Variants in CUX1 observed in about 807,000 individuals in gnomAD.
CUX1 encodes the protein cut like homeobox 1.
Under a neutral mutation model 158.8 loss-of-function variants are expected in CUX1, and 31 were observed. The ratio of observed to expected loss-of-function variants is 0.20; its 90% CI spans 0.15 to 0.26. The LOEUF (loss-of-function observed/expected upper bound fraction) is 0.26, where lower values mean the gene tolerates loss of function less well. Among genes scored for constraint, CUX1 ranks in the 10% least tolerant of loss-of-function variants. The pLI is 1.00. For missense variants in CUX1, 1,589 were observed against 2,014.6 expected (o/e 0.79, Z 4.04); for synonymous variants, 879 against 862.1 (o/e 1.02, Z -0.34).
rs531601808 is a variant in CUX1 at position 102,150,238 on chromosome 7, C to G, written c.675-8322C>G. On this transcript the variant is annotated intron_variant, in intron 8 of 23. Coordinates refer to ENST00000292535, the MANE Select transcript of CUX1 (RefSeq NM_181552.4). ...TGGCACGATCTCAGCTCACTTCAAC[C>G]TCTGTGACCGGGGTTCAAGCGATTC... Among the ~76,000 whole-genome samples the G allele has an allele frequency of 9.2e-5, 14 of 152,302 alleles. No homozygotes were observed. In the East Asian group the frequency reaches 2.7e-3, roughly 29 times the overall value.
chr7:102,236,703 C>G (rs1267949374), intron 22 of CUX1, among the ~76,000 whole-genome samples: 1 of 152,206 alleles, frequency 6.6e-6, no homozygotes, highest in Admixed American at 6.5e-5. Flanking sequence ...GCTTCCTGCA[C>G]TAGCCAGGAG....
intron 11 of CUX1, among the ~76,000 whole-genome samples, chr7:102,179,283 G>C (rs1290752027): frequency 2.0e-5 from 3 of 152,302 alleles, no homozygotes; most frequent in East Asian, 3.9e-4. Context: ...CCTGACCTCA[G>C]GTGATCTGTC....
Position 102,252,921 on chromosome 7 carries a change from A to G in CUX1, c.*3879A>G. On this transcript the variant is annotated 3_prime_UTR_variant, in exon 24 of 24. Coordinates refer to ENST00000292535, the MANE Select transcript of CUX1 (RefSeq NM_181552.4). Reference sequence around the variant, plus strand: ...GCAGCTTCTAAGCGTCTCCTGGGACAGGATTGGGGTGACAGCCCAGGGATG... The same window carrying G: ...GCAGCTTCTAAGCGTCTCCTGGGACGGGATTGGGGTGACAGCCCAGGGATG... 1 of 985,484 alleles carries G rather than the reference A, an allele frequency of 1.0e-6. No individual in the cohort carries two copies. The highest frequency in any genetic ancestry group is 4.7e-5 in the South Asian group (1 of 21,294). The allele number at this position is 985,484 out of a possible 1,614,324, so 61.0% of individuals were successfully genotyped here.
chr7:101,839,248 A>T (rs1464678892), intron 1 of CUX1, among the ~76,000 whole-genome samples: 3 of 152,050 alleles, frequency 2.0e-5, no homozygotes, highest in Admixed American at 6.6e-5. Flanking sequence ...ACCCTAGCTC[A>T]CACGTCCATT....
chr7:102,154,290 CA>C (rs1253344292), intron 8 of CUX1: 1 of 152,014 alleles, frequency 6.6e-6, no homozygotes, highest in Non-Finnish European at 1.5e-5. Flanking sequence ...CTCCAACATC[CA>C]CCTAATAGGA....
intron 3 of CUX1, among the ~76,000 whole-genome samples, chr7:102,060,291 G>A (rs1297456321): frequency 1.3e-5 from 2 of 151,118 alleles, no homozygotes; most frequent in Non-Finnish European, 3.0e-5. Flanking sequence ...AAAAAAAAAT[G>A]TTGCTTAGGG....
At chr7:102,130,535 G>T (rs553054680) in intron 8 of CUX1, among the ~76,000 whole-genome samples, 2 of 152,136 alleles carry the variant, frequency 1.3e-5, no homozygotes, top group South Asian at 4.2e-4. Flanking sequence ...ACAAAAATTA[G>T]CTGGGCGTGG....
chr7:102,256,085 C>T lies in CUX1; in HGVS notation c.*7043C>T. ...GACTCCCTCCAGTCTCCCAGCCTGCCTCTTGGTGACCACTGTGCTGGGCGT... is the reference window on the plus strand; with the variant it reads ...GACTCCCTCCAGTCTCCCAGCCTGCTTCTTGGTGACCACTGTGCTGGGCGT... On this transcript the variant is annotated 3_prime_UTR_variant, in exon 24 of 24. Transcript: ENST00000292535. 1 of 985,504 alleles carries T rather than the reference C, an allele frequency of 1.0e-6. No homozygotes were observed. The allele number at this position is 985,504 out of a possible 1,614,324, so 61.0% of individuals were successfully genotyped here.
chr7:101,989,374 C>G (rs1316501278), intron 2 of CUX1, among the ~76,000 whole-genome samples: 1 of 152,250 alleles, frequency 6.6e-6, no homozygotes, highest in African/African-American at 2.4e-5. Flanking sequence ...GCGTGCCGCA[C>G]TGGCCAGCCG....
chr7:102,254,679 T>A lies in CUX1; in HGVS notation c.*5637T>A. 1 of 985,470 alleles carries A rather than the reference T, an allele frequency of 1.0e-6. No homozygotes were observed. Among genetic ancestry groups the A allele is most frequent in the Non-Finnish European group, 1.2e-6 (1 of 829,940 alleles). The allele number at this position is 985,470 out of a possible 1,614,324, so 61.0% of individuals were successfully genotyped here. Reference sequence around the variant, plus strand: ...ACATTTAGAAAGCCCTCAGTGCTTCTGTGGTTTCACCTGGGCATCGACGAC... The same window carrying A: ...ACATTTAGAAAGCCCTCAGTGCTTCAGTGGTTTCACCTGGGCATCGACGAC... On this transcript the variant is annotated 3_prime_UTR_variant, in exon 24 of 24. Transcript: ENST00000292535.
At chr7:101,825,920 C>G (rs1427417673) in intron 1 of CUX1, among the ~76,000 whole-genome samples, 1 of 152,008 alleles carries the variant, frequency 6.6e-6, no homozygotes, top group Non-Finnish European at 1.5e-5. Flanking sequence ...CGAAACAGGT[C>G]GCAATCCATT....
intron 9 of CUX1, among the ~76,000 whole-genome samples, chr7:102,169,074 C>G (rs1479768046): frequency 1.3e-5 from 2 of 151,922 alleles, no homozygotes; most frequent in Non-Finnish European, 2.9e-5. Flanking sequence ...GCTGGGATTA[C>G]AGGCATGTGC....
chr7:102,127,019 A>C lies in CUX1; in HGVS notation c.674+11746A>C, dbSNP rs563048964. 2.9e-4 allele frequency among the ~76,000 whole-genome samples: 44 copies of C among 152,246 alleles called. No homozygotes were observed. The South Asian group carries it at 8.5e-3, about 29-fold the overall frequency. ...CAGTAGGGTTTGCACTCCTATGAGAATCTAATGCTGCTGCTCATCTGACGG... is the reference window on the plus strand; with the variant it reads ...CAGTAGGGTTTGCACTCCTATGAGACTCTAATGCTGCTGCTCATCTGACGG... On this transcript the variant is annotated intron_variant, in intron 8 of 23. Transcript: ENST00000292535.
intron 3 of CUX1, among the ~76,000 whole-genome samples, chr7:102,067,229 CTTT>C (rs34912215): frequency 1.1e-5 from 1 of 94,028 alleles, no homozygotes; most frequent in Non-Finnish European, 1.9e-5. Flanking sequence ...TTTCATGTAA[CTTT>C]TTTTTTTTTT....
intron 20 of CUX1, among the ~76,000 whole-genome samples, chr7:102,213,977 A>G (rs2132171682): frequency 6.6e-6 from 1 of 152,288 alleles, no homozygotes; most frequent in Non-Finnish European, 1.5e-5. Context: ...TACTAAAAAT[A>G]CAAAAAAATT....
chr7:101,855,031 G>A (rs145478528), intron 1 of CUX1, among the ~76,000 whole-genome samples: 307 of 152,306 alleles, frequency 2.0e-3, no homozygotes, highest in African/African-American at 7.0e-3. Context: ...CACCTCGCCC[G>A]GCCTGGACTC....
At chr7:102,221,521 G>A (rs192878543) in intron 20 of CUX1, among the ~76,000 whole-genome samples, 9 of 152,284 alleles carry the variant, frequency 5.9e-5, no homozygotes, top group Non-Finnish European at 8.8e-5. Context: ...GCAGAGAGAT[G>A]TATCTCCGAG....
At chr7:101,990,406 A>T (rs1814947553) in intron 2 of CUX1, among the ~76,000 whole-genome samples, 1 of 151,010 alleles carries the variant, frequency 6.6e-6, no homozygotes, top group Admixed American at 6.6e-5. Flanking sequence ...TTTTTTTGAG[A>T]TGGAATCTCA....
At position 101,825,798 on chromosome 7, in the gene CUX1, T is replaced by TGTGTGTGTGTGC. The variant is rs1362738281; in HGVS notation, c.30+8130_30+8131insTGTGTGTGTGCG. Among the ~76,000 whole-genome samples the TGTGTGTGTGTGC allele has an allele frequency of 1.6e-3, 122 of 78,396 alleles. 1 individual carries two copies. The highest frequency in any genetic ancestry group is 1.5e-3 in the Non-Finnish European group (57 of 38,644). 51.4% of individuals were successfully genotyped at this position (78,396 alleles called of 152,430 possible). ...GTGTGTGTGTGTGTGTGTGTGTGTG[T>TGTGTGTGTGTGC]GCGCGCGCGCGCGCAGTTAGTCTTC... On this transcript the variant is annotated intron_variant, in intron 1 of 23. Transcript: ENST00000292535.
Sources: allele counts gnomAD v4.1 joint callset (sites outside exome capture counted in the v4.1 genomes callset), GRCh38; gene constraint gnomAD v4.1.1; transcripts MANE v1.5; gene names NCBI Gene and HGNC (gene_info 2026-07-23, HGNC 2026-07-21).